Variants in GLYATL1 observed in about 807,000 individuals in gnomAD.
The protein encoded by GLYATL1 is glycine N-acyltransferase-like protein 1.
In GLYATL1, 15 loss-of-function variants were observed where a neutral mutation model predicts 20.0. The ratio of observed to expected loss-of-function variants is 0.75; its 90% CI spans 0.50 to 1.15. The LOEUF (loss-of-function observed/expected upper bound fraction) is 1.15. Ranked by LOEUF, GLYATL1 falls within the 50% of genes most tolerant of loss-of-function variation. The pLI is 0.00. For missense variants in GLYATL1, 380 were observed against 368.5 expected (o/e 1.03, Z -0.26); for synonymous variants, 151 against 131.5 (o/e 1.15, Z -1.01).
In GLYATL1 at chr11:58,955,955, G is replaced by A; in HGVS notation, c.837G>A (p.Gln279=). 1 of 1,614,176 alleles carries A rather than the reference G, an allele frequency of 6.2e-7. No homozygotes were observed. Among genetic ancestry groups the A allele is most frequent in the African/African-American group, 1.3e-5 (1 of 75,074 alleles). ...ENEDSRRFVG[Q]FGFFEASCEW... ...AAGACTCCCGCAGATTTGTGGGGCA[G>A]TTTGGTTTCTTTGAGGCCTCCTGTG... The change falls in exon 7 of 7, where the codon CAG becomes CAA. Residue 279 remains glutamine (Q), a synonymous_variant. Coordinates refer to ENST00000532726, the MANE Select transcript of GLYATL1 (RefSeq NM_001389712.2).
rs566264048 is a variant in GLYATL1, at chr11:58,941,444, T to G, written c.-167+1794T>G. Reference sequence around the variant, plus strand: ...CATTTTCTTAATCCAGTCTATCATTTCTGGACATTTGGGTTGGTTCCAAGT... The same window carrying G: ...CATTTTCTTAATCCAGTCTATCATTGCTGGACATTTGGGTTGGTTCCAAGT... On this transcript the variant is annotated intron_variant, in intron 1 of 6. Coordinates refer to ENST00000532726, the MANE Select transcript of GLYATL1 (RefSeq NM_001389712.2). Among the ~76,000 whole-genome samples, 793 of 152,256 alleles carry G rather than the reference T, an allele frequency of 5.2e-3. 6 individuals carry two copies. The highest frequency in any genetic ancestry group is 6.8e-3 in the Non-Finnish European group (461 of 68,000).
chr11:58,927,873 G>C (rs1245238659), intron 1 of GLYATL1: 1 of 152,182 alleles, frequency 6.6e-6, no homozygotes, highest in Admixed American at 6.5e-5. Context: ...CTGGTGATTA[G>C]GGCCCAGGGA....
At chr11:58,916,745 G>A (rs1308612517) in intron 1 of GLYATL1, among the ~76,000 whole-genome samples, 1 of 152,216 alleles carries the variant, frequency 6.6e-6, no homozygotes, top group Non-Finnish European at 1.5e-5. Context: ...CTTGTTCTTG[G>A]CATTTTAAAG....
At chr11:58,923,931 C>T (rs755155948), upstream of GLYATL1, among the ~76,000 whole-genome samples, 59 of 152,268 alleles carry the variant, frequency 3.9e-4, no homozygotes, top group Admixed American at 1.9e-3. Flanking sequence ...ATTTCTTTCT[C>T]TTTTTTTAAT....
At chr11:58,918,098 CTTAG>C (rs1319970510) in intron 1 of GLYATL1, among the ~76,000 whole-genome samples, 5 of 152,122 alleles carry the variant, frequency 3.3e-5, no homozygotes, top group Non-Finnish European at 5.9e-5. Flanking sequence ...AATGCTGATA[CTTAG>C]TTAGAGCCAT....
upstream of GLYATL1, among the ~76,000 whole-genome samples, chr11:58,923,815 T>C (rs1469356434): frequency 2.0e-5 from 3 of 152,226 alleles, no homozygotes; most frequent in South Asian, 6.2e-4. Context: ...CAATATATTT[T>C]AAGACAAAAG....
rs1337080407 is a variant in GLYATL1, at chr11:58,955,602, GTCTACAGTGAAAC to G, written c.492-5_499del. 2.5e-6 allele frequency: 4 copies of G among 1,610,666 alleles called. No individual in the cohort carries two copies. In the African/African-American group the frequency reaches 5.4e-5, roughly 22 times the overall value. ...GAAAGTTGTTGTCTTTCTTTTTGTT[GTCTACAGTGAAAC>G]TCCCAACTTTAAGTATGCCCAGCTG... is the stretch of plus-strand genomic sequence containing the variant. On this transcript the variant is annotated splice_acceptor_variant and splice_polypyrimidine_tract_variant and coding_sequence_variant and intron_variant, in exon 7 of 7. Coordinates refer to ENST00000532726, the MANE Select transcript of GLYATL1 (RefSeq NM_001389712.2). LOFTEE classifies it high-confidence loss of function.
intron 2 of GLYATL1, among the ~76,000 whole-genome samples, chr11:58,944,105 T>TTACA (rs1856389430): frequency 6.6e-6 from 1 of 152,198 alleles, no homozygotes; most frequent in Non-Finnish European, 1.5e-5. Context: ...ACATTAGGAC[T>TTACA]GTATACCAAG....
At position 58,932,939 on chromosome 11, in the gene GLYATL1, A is replaced by G. The variant is rs534540286; in HGVS notation, c.-212+5110A>G. Among the ~76,000 whole-genome samples, 8 of 152,348 alleles carry G rather than the reference A, an allele frequency of 5.3e-5. No homozygotes were observed. In the South Asian group the frequency reaches 1.7e-3, roughly 32 times the overall value. On this transcript the variant is annotated intron_variant, in intron 1 of 7. Coordinates refer to the GLYATL1 transcript ENST00000317391. ...ATTTTTTAAGTTGGGAAAGAGATAC[A>G]TGGATGTTTATTATATGAAATATTG... is the stretch of plus-strand genomic sequence containing the variant.
At chr11:58,908,782 G>T (rs1378157988), downstream of GLYATL1, among the ~76,000 whole-genome samples, 1 of 152,110 alleles carries the variant, frequency 6.6e-6, no homozygotes, top group African/African-American at 2.4e-5. Context: ...AAACAATATG[G>T]ACACTTAAAA....
chr11:58,918,404 G>T (rs938784817), intron 1 of GLYATL1, among the ~76,000 whole-genome samples: 5 of 152,186 alleles, frequency 3.3e-5, no homozygotes, highest in African/African-American at 1.2e-4. Context: ...AATTTGTTAG[G>T]TTGTCTGGTT....
At chr11:58,933,367 C>G (rs1855686427) in intron 1 of GLYATL1, among the ~76,000 whole-genome samples, 1 of 152,126 alleles carries the variant, frequency 6.6e-6, no homozygotes, top group African/African-American at 2.4e-5. Flanking sequence ...TTGTACCTAC[C>G]TACTAAATGA....
chr11:58,909,908 T>C (rs1854998196), downstream of GLYATL1, among the ~76,000 whole-genome samples: 1 of 152,152 alleles, frequency 6.6e-6, no homozygotes, highest in African/African-American at 2.4e-5. Flanking sequence ...CTTGTTTGTG[T>C]GTTCGGTCTC....
intron 3 of GLYATL1, 69 bp downstream of exon 3, chr11:58,947,234 G>A: frequency 6.4e-7 from 1 of 1,550,698 alleles, no homozygotes; most frequent in Non-Finnish European, 8.7e-7. Flanking sequence ...GCAGGCTTGT[G>A]ATTCTAGTCC....
chr11:58,945,457 C>A (rs1856499520), intron 2 of GLYATL1, among the ~76,000 whole-genome samples: 1 of 152,066 alleles, frequency 6.6e-6, no homozygotes, highest in African/African-American at 2.4e-5. Flanking sequence ...AGGGAATGCA[C>A]AGGAGGGGTA....
intron 1 of GLYATL1, chr11:58,905,758 G>GAGC: frequency 3.6e-5 from 1 of 27,562 alleles, no homozygotes; most frequent in Non-Finnish European, 7.0e-5. Flanking sequence ...GGGCGGGTGG[G>GAGC]CGCGCAGTCC....
intron 2 of GLYATL1, among the ~76,000 whole-genome samples, chr11:58,945,579 T>C (rs1856510868): frequency 6.6e-6 from 1 of 152,170 alleles, no homozygotes; most frequent in Admixed American, 6.5e-5. Context: ...GGGAGTGATA[T>C]AGCATGGTAG....
intron 4 of GLYATL1, among the ~76,000 whole-genome samples, chr11:58,949,935 TTAA>T (rs1856844610): frequency 6.8e-6 from 1 of 146,536 alleles, no homozygotes. Context: ...TTTTAAAAAG[TTAA>T]TAACCTCTTA....
chr11:58,954,808 T>A lies in GLYATL1; in HGVS notation c.225T>A (p.Tyr75Ter). The change falls in exon 5 of 7, where the codon TAT (tyrosine) becomes TAA (stop). Residue 75 changes from tyrosine to a stop codon, truncating the protein, a stop_gained. Transcript: ENST00000532726. LOFTEE classifies it high-confidence loss of function. The part of the protein sequence containing the change: ...TDDMDSYTNV[Y>*]RMFSKEPQKS... ...ACATGGATTCATACACAAACGTATA[T>A]CGTATGTTCTCCAAAGAGCCTCAAA... 6.2e-7 allele frequency: 1 copy of A among 1,610,678 alleles called. No individual in the cohort carries two copies. Among genetic ancestry groups the A allele is most frequent in the East Asian group, 2.2e-5 (1 of 44,862 alleles).
Sources: allele counts gnomAD v4.1 joint callset (sites outside exome capture counted in the v4.1 genomes callset), GRCh38; gene constraint gnomAD v4.1.1; transcripts MANE v1.5; gene names NCBI Gene and HGNC (gene_info 2026-07-23, HGNC 2026-07-21).